The following BTBD10 variants were observed in gnomAD, a reference collection of about 807,000 sequenced individuals.
BTBD10 encodes BTB domain containing 10.
A neutral mutation model predicts 53.2 loss-of-function variants in BTBD10; 21 were observed. That is an observed-to-expected ratio of 0.39 (90% CI 0.28 to 0.57). The LOEUF is 0.57. BTBD10 is among the 20% of genes least tolerant of loss of function. BTBD10 has a pLI of 0.53. For synonymous variants in BTBD10, 149 were observed against 192.7 expected (o/e 0.77, Z 1.88); for missense variants, 360 against 594.7 (o/e 0.61, Z 4.10).
At chr11:13,417,313 G>T in intron 4 of BTBD10, 53 bp from the exon 5 acceptor site, 1 of 1,271,502 alleles carries the variant, frequency 7.9e-7, no homozygotes. Flanking sequence ...CCTTCAAAAG[G>T]GAAAATAGAT....
chr11:13,429,585 CA>C (rs1459173913), intron 2 of BTBD10, among the ~76,000 whole-genome samples: 1 of 149,804 alleles, frequency 6.7e-6, no homozygotes, highest in African/African-American at 2.5e-5. Flanking sequence ...AATGAATATA[CA>C]ATAGGTATTT....
At chr11:13,427,183 C>A (rs994722223) in intron 2 of BTBD10, among the ~76,000 whole-genome samples, 21 of 152,046 alleles carry the variant, frequency 1.4e-4, no homozygotes, top group African/African-American at 4.4e-4. Context: ...CACCACTGCA[C>A]TACAGCCTGG....
intron 1 of BTBD10, among the ~76,000 whole-genome samples, chr11:13,450,753 C>T (rs1404487936): frequency 6.6e-6 from 1 of 152,164 alleles, no homozygotes; most frequent in East Asian, 1.9e-4. Flanking sequence ...GGAGATCAGA[C>T]AGACGGAAAG....
intron 8 of BTBD10, among the ~76,000 whole-genome samples, chr11:13,391,149 G>C (rs1949396116): frequency 6.6e-6 from 1 of 152,144 alleles, no homozygotes; most frequent in East Asian, 1.9e-4. Flanking sequence ...GTACTCCTCA[G>C]AATATTATAC....
chr11:13,430,992 C>CACACACAT (rs1950437899), intron 2 of BTBD10, among the ~76,000 whole-genome samples: 2 of 150,346 alleles, frequency 1.3e-5, no homozygotes, highest in African/African-American at 5.0e-5. Flanking sequence ...CACACACACA[C>CACACACAT]ACACACACAC....
chr11:13,439,727 C>T (rs915915991), intron 2 of BTBD10, among the ~76,000 whole-genome samples: 4 of 152,088 alleles, frequency 2.6e-5, no homozygotes, highest in Middle Eastern at 3.4e-3. Context: ...AAGTAACTTG[C>T]CATTAAACTG....
At chr11:13,459,921 TATGAGTC>T (rs1951057600) in intron 1 of BTBD10, among the ~76,000 whole-genome samples, 1 of 152,226 alleles carries the variant, frequency 6.6e-6, no homozygotes, top group South Asian at 2.1e-4. Flanking sequence ...CTTCCTACTT[TATGAGTC>T]ATGGTAGAAA....
chr11:13,417,191 C>T lies in BTBD10; in HGVS notation c.654G>A (p.Glu218=). 5 of 1,613,504 alleles carry T rather than the reference C, an allele frequency of 3.1e-6. No homozygotes were observed. Among genetic ancestry groups the T allele is most frequent in the Non-Finnish European group, 4.2e-6 (5 of 1,179,794 alleles). Residue 218 remains glutamate, a synonymous_variant, in exon 5 of 9, where the codon GAG becomes GAA. Transcript: ENST00000278174. ...CTCGAAACACAGTGGAACCAATTCC[C>T]TCTGCCACCTCATACTCTCCTTTCT... ...PNEKGEYEVA[E]GIGSTVFRAI...
intron 5 of BTBD10, among the ~76,000 whole-genome samples, chr11:13,416,547 G>A (rs1189257844): frequency 6.6e-6 from 1 of 152,034 alleles, no homozygotes; most frequent in Non-Finnish European, 1.5e-5. Flanking sequence ...TTAGGAGAAA[G>A]AGAAGTAAAT....
chr11:13,462,227 G>T (rs1042113234), intron 1 of BTBD10, among the ~76,000 whole-genome samples: 1 of 152,088 alleles, frequency 6.6e-6, no homozygotes, highest in African/African-American at 2.4e-5. Context: ...GATAGGGGCG[G>T]GAAGGAACTC....
chr11:13,432,572 A>G (rs1950468805), intron 2 of BTBD10, among the ~76,000 whole-genome samples: 1 of 152,050 alleles, frequency 6.6e-6, no homozygotes, highest in Non-Finnish European at 1.5e-5. Flanking sequence ...ATTTTCATTG[A>G]ATTATATAAC....
At chr11:13,407,911 T>C (rs1294658564) in intron 6 of BTBD10, among the ~76,000 whole-genome samples, 1 of 152,188 alleles carries the variant, frequency 6.6e-6, no homozygotes, top group Non-Finnish European at 1.5e-5. Context: ...GTTCAAGTCA[T>C]ACGGAGAGAG....
intron 8 of BTBD10, among the ~76,000 whole-genome samples, chr11:13,389,741 T>C (rs1438530172): frequency 6.6e-6 from 1 of 152,232 alleles, no homozygotes; most frequent in African/African-American, 2.4e-5. Flanking sequence ...CGTATCCTTA[T>C]ATTCTCGTCA....
At chr11:13,460,724 T>C (rs1204279965) in intron 1 of BTBD10, among the ~76,000 whole-genome samples, 1 of 152,220 alleles carries the variant, frequency 6.6e-6, no homozygotes, top group African/African-American at 2.4e-5. Context: ...AATCTCCATC[T>C]GGCATGGAAT....
At chr11:13,411,410 C>A (rs181114838) in intron 6 of BTBD10, among the ~76,000 whole-genome samples, 1 of 152,268 alleles carries the variant, frequency 6.6e-6, no homozygotes, top group East Asian at 1.9e-4. Flanking sequence ...GGATTAAAGT[C>A]TACCTACATT....
Position 13,421,743 on chromosome 11 carries a change from C to T in BTBD10, c.197G>A (p.Arg66Lys). 3 of 1,614,062 alleles carry T rather than the reference C, an allele frequency of 1.9e-6. No homozygotes were observed. Among genetic ancestry groups the T allele is most frequent in the East Asian group, 2.2e-5 (1 of 44,866 alleles). ...TGAATCTCGTGATCTGTCACTTGACCTTCGTCTATCTCTTGATCTCTCATG... is the reference window on the plus strand; with the variant it reads ...TGAATCTCGTGATCTGTCACTTGACTTTCGTCTATCTCTTGATCTCTCATG... ...GGHERSRDRR[R>K]SSDRSRDSSH... The change falls in exon 3 of 9, where the codon AGG becomes AAG. Residue 66 changes from arginine to lysine, a missense_variant. Arg to Lys is a conservative substitution (Grantham distance 26). Transcript: ENST00000278174.
chr11:13,410,215 G>A (rs1949909734), intron 6 of BTBD10, among the ~76,000 whole-genome samples: 1 of 152,148 alleles, frequency 6.6e-6, no homozygotes, highest in African/African-American at 2.4e-5. Flanking sequence ...AATCCCCAGT[G>A]TAAAGATAAT....
intron 6 of BTBD10, 29 bp from the exon 7 acceptor site, chr11:13,405,885 C>T: frequency 6.2e-7 from 1 of 1,602,210 alleles, no homozygotes. Flanking sequence ...AAATATCTTA[C>T]CAAAACTTTT....
chr11:13,427,372 CAA>C (rs927037949), intron 2 of BTBD10, among the ~76,000 whole-genome samples: 10 of 152,212 alleles, frequency 6.6e-5, no homozygotes, highest in Admixed American at 2.6e-4. Flanking sequence ...GAGTTCAGAA[CAA>C]AGAATATCAC....
Sources: gnomAD v4.1 joint callset for allele counts (sites outside exome capture counted in the v4.1 genomes callset) on GRCh38, gnomAD v4.1.1 for gene constraint, MANE v1.5 for transcripts, NCBI Gene and HGNC (gene_info 2026-07-23, HGNC 2026-07-21) for gene names.